The following CNGA2 variants were observed in gnomAD, a reference collection of about 807,000 sequenced individuals.
The protein encoded by CNGA2 is cyclic nucleotide-gated channel alpha-2.
Under a neutral mutation model 35.9 loss-of-function variants are expected in CNGA2, and 22 were observed. The observed-to-expected ratio is 0.61, with a 90% CI of 0.44 to 0.88. The LOEUF is 0.88. CNGA2 is among the 40% of genes least tolerant of loss of function. The pLI is 0.00. For synonymous variants in CNGA2, 217 were observed against 209.2 expected, an observed-to-expected ratio of 1.04 and a Z score of -0.32; for missense variants, 555 against 530.8, an observed-to-expected ratio of 1.05 and a Z score of -0.45.
rs1000433504 is a variant in CNGA2 at position 151,744,780 on chromosome X, G to A, written c.*282G>A. 6.2e-5 allele frequency: 19 copies of A among 304,632 alleles called. No individual in the cohort carries two copies. Among genetic ancestry groups the A allele is most frequent in the Middle Eastern group, 8.9e-4 (1 of 1,129 alleles). The allele number at this position is 304,632 out of a possible 1,213,427, so 25.1% of individuals were successfully genotyped here. A position where few individuals can be genotyped will look rare whatever the true frequency, so the allele number is the denominator to read the frequency against. On this transcript the variant is annotated 3_prime_UTR_variant, in exon 7 of 7. Coordinates refer to ENST00000329903, the MANE Select transcript of CNGA2 (RefSeq NM_005140.3). ...GGGGGCAGCTGTCTGCCAGGAGTCT[G>A]GCTCTTTTGCTCATAGCGACCCCTC...
At position 151,743,536 on chromosome X, in the gene CNGA2, G is replaced by A; in HGVS notation, c.1033G>A (p.Val345Ile). ...LTTIGETPPPVKDEEYLFVIF... is the reference protein window; with the variant it reads ...LTTIGETPPPIKDEEYLFVIF... ...TACCATTGGGGAGACACCACCCCCT[G>A]TAAAGGATGAGGAGTACCTATTTGT... is the stretch of plus-strand genomic sequence containing the variant. Residue 345 changes from valine (V) to isoleucine (I), a missense_variant, in exon 7 of 7, where the codon GTA becomes ATA. Physicochemically the swap from Val to Ile is conservative, Grantham distance 29. Coordinates refer to ENST00000329903, the MANE Select transcript of CNGA2 (RefSeq NM_005140.3). 8.3e-7 allele frequency: 1 copy of A among 1,211,150 alleles called. No individual in the cohort carries two copies. The highest frequency in any genetic ancestry group is 1.1e-6 in the Non-Finnish European group (1 of 895,358).
At position 151,742,531 on chromosome X, in the gene CNGA2, C is replaced by T. The variant is rs372908370; in HGVS notation, c.483-5C>T. On this transcript the variant is annotated splice_polypyrimidine_tract_variant and splice_region_variant and intron_variant, in intron 5 of 6. Coordinates refer to ENST00000329903, the MANE Select transcript of CNGA2 (RefSeq NM_005140.3). ...GGGGTGAAGCTTAGCCCTGTCCTCCCGCAGAGCCTGCTTCAGTGACCTACA... is the reference window on the plus strand; with the variant it reads ...GGGGTGAAGCTTAGCCCTGTCCTCCTGCAGAGCCTGCTTCAGTGACCTACA... 116 of 1,199,367 alleles carry T rather than the reference C, an allele frequency of 9.7e-5. No homozygotes were observed. In the Admixed American group the frequency reaches 1.0e-3, roughly 10 times the overall value.
chrX:151,737,582 GCCTCCTCCCTGCCCCAACCTTCA>G (rs1446927096), intron 1 of CNGA2, among the ~76,000 whole-genome samples: 1 of 111,022 alleles, frequency 9.0e-6, no homozygotes, highest in Admixed American at 9.5e-5. Flanking sequence ...CTCTTGTCCA[GCCTCCTCCCTGCCCCAACCTTCA>G]CCCTTGTTCT....
intron 1 of CNGA2, among the ~76,000 whole-genome samples, chrX:151,736,959 C>T (rs2015252676): frequency 8.9e-6 from 1 of 111,788 alleles, no homozygotes; most frequent in African/African-American, 3.2e-5. Context: ...TGGTCTGCTG[C>T]CTCCAGGGTC....
intron 1 of CNGA2, among the ~76,000 whole-genome samples, 74 bp downstream of exon 1, chrX:151,735,017 CTA>C (rs2015233089): frequency 9.0e-6 from 1 of 111,565 alleles, no homozygotes; most frequent in Non-Finnish European, 1.9e-5. Context: ...CTAATCTTGG[CTA>C]TATGATGAAC....
At chrX:151,735,441 A>G (rs376925078) in intron 1 of CNGA2, among the ~76,000 whole-genome samples, 3 of 111,621 alleles carry the variant, frequency 2.7e-5, no homozygotes, top group East Asian at 5.6e-4. Flanking sequence ...GTCTCTGAAG[A>G]TGAGATCCCC....
In CNGA2 at chrX:151,744,835, A is replaced by C; in HGVS notation, c.*337A>C. Reference sequence around the variant, plus strand: ...GGTTCTGGCCCCCGCTTTTTCTAACATGTCTTCTGAATGCTTCCTTTTTCC... The same window carrying C: ...GGTTCTGGCCCCCGCTTTTTCTAACCTGTCTTCTGAATGCTTCCTTTTTCC... On this transcript the variant is annotated 3_prime_UTR_variant, in exon 7 of 7. Transcript: ENST00000329903. The C allele has an allele frequency of 4.1e-6, 1 of 241,831 alleles. No individual in the cohort carries two copies. Among genetic ancestry groups the C allele is most frequent in the Non-Finnish European group, 7.5e-6 (1 of 133,707 alleles). The allele number at this position is 241,831 out of a possible 1,213,427, so 19.9% of individuals were successfully genotyped here.
At chrX:151,739,773 C>A (rs1486955268) in intron 4 of CNGA2, 41 bp downstream of exon 4, 1 of 1,181,341 alleles carries the variant, frequency 8.5e-7, no homozygotes, top group South Asian at 1.9e-5. Flanking sequence ...GGGCTTTAAG[C>A]ATGCAATGGA....
Position 151,744,629 on chromosome X carries a change from C to T in CNGA2, c.*131C>T, listed in dbSNP as rs904263781. 50 of 611,559 alleles carry T rather than the reference C, an allele frequency of 8.2e-5. No individual in the cohort carries two copies. The highest frequency in any genetic ancestry group is 1.1e-4 in the Non-Finnish European group (47 of 415,870). The allele number at this position is 611,559 out of a possible 1,213,427, so 50.4% of individuals were successfully genotyped here. On this transcript the variant is annotated 3_prime_UTR_variant, in exon 7 of 7. Transcript: ENST00000329903. ...TGAATTCTCCCAAAAGCCTCTCTGA[C>T]CCTGGGTTTTTGGCCTAAACATCCA...
At chrX:151,740,963 G>C in intron 5 of CNGA2, 62 bp downstream of exon 5, 1 of 874,446 alleles carries the variant, frequency 1.1e-6, no homozygotes, top group Non-Finnish European at 1.7e-6. Context: ...CCCCGGGATT[G>C]ACGGCGCAGC....
intron 2 of CNGA2, 55 bp from the exon 3 acceptor site, chrX:151,738,732 G>T: frequency 9.0e-7 from 1 of 1,105,181 alleles, no homozygotes; most frequent in Admixed American, 2.6e-5. Flanking sequence ...GACCCAGGAG[G>T]GGAGACAAGT....
At position 151,744,114 on chromosome X, in the gene CNGA2, A is replaced by G. The variant is rs780293464; in HGVS notation, c.1611A>G (p.Thr537=). Residue 537 remains threonine (T), a synonymous_variant, in exon 7 of 7, where the codon ACA becomes ACG. Transcript: ENST00000329903. The part of the protein sequence containing the change: ...IKGSKMGNRR[T]ANIRSLGYSD... ...GCAGTAAAATGGGCAATCGACGCAC[A>G]GCTAATATCCGCAGCCTGGGCTACT... The G allele has an allele frequency of 2.5e-6, 3 of 1,211,067 alleles. No homozygotes were observed. Among genetic ancestry groups the G allele is most frequent in the Non-Finnish European group, 3.4e-6 (3 of 895,382 alleles).
rs746065892 is a variant in CNGA2, at chrX:151,742,927, T to TATATATATATATATATATACACATAC, written c.590-152_590-151insATATACACATACATATATATATATAT. 4.5e-3 allele frequency among the ~76,000 whole-genome samples: 350 copies of TATATATATATATATATATACACATAC among 78,466 alleles called. 18 individuals carry two copies. The highest frequency in any genetic ancestry group is 0.019 in the African/African-American group (316 of 16,608). The allele number at this position is 78,466 out of a possible 115,157, so 68.1% of individuals were successfully genotyped here. ...AGAGATATTAGCCTATAGGGAAGGATATATATATATATATGTATATGTATA... is the reference window on the plus strand; with the variant it reads ...AGAGATATTAGCCTATAGGGAAGGATATATATATATATATATATACACATACATATATATATATATGTATATGTATA... On this transcript the variant is annotated intron_variant, in intron 6 of 6. Coordinates refer to ENST00000329903, the MANE Select transcript of CNGA2 (RefSeq NM_005140.3).
chrX:151,739,789 T>A, intron 4 of CNGA2, 57 bp downstream of exon 4: 1 of 1,143,097 alleles, frequency 8.7e-7, no homozygotes, highest in Non-Finnish European at 1.2e-6. Flanking sequence ...ATGGAAGAGC[T>A]CACTGGGGTT....
Position 151,738,489 on chromosome X carries a change from C to A in CNGA2, c.6C>A (p.Thr2=). 1 of 1,209,205 alleles carries A rather than the reference C, an allele frequency of 8.3e-7. No individual in the cohort carries two copies. Among genetic ancestry groups the A allele is most frequent in the Non-Finnish European group, 1.1e-6 (1 of 893,753 alleles). The change falls in exon 2 of 7, where the codon ACC becomes ACA. Residue 2 remains threonine, a synonymous_variant. Transcript: ENST00000329903. M[T]EKTNGVKSSP... is the part of the protein sequence containing the mutation. Reference sequence around the variant, plus strand: ...GCTCTGGTTGTACATGGAGGATGACCGAAAAAACCAATGGTGTGAAGAGCT... The same window carrying A: ...GCTCTGGTTGTACATGGAGGATGACAGAAAAAACCAATGGTGTGAAGAGCT...
At chrX:151,742,691 T>C in intron 6 of CNGA2, 49 bp downstream of exon 6, 4 of 996,245 alleles carry the variant, frequency 4.0e-6, no homozygotes, top group East Asian at 3.1e-5. Flanking sequence ...TGAGTCCAAA[T>C]TTTTAGGAAG....
chrX:151,738,501 T>A lies in CNGA2; in HGVS notation c.18T>A (p.Asn6Lys), dbSNP rs1018596411. 3 of 1,210,535 alleles carry A rather than the reference T, an allele frequency of 2.5e-6. No homozygotes were observed. The highest frequency in any genetic ancestry group is 3.4e-6 in the Non-Finnish European group (3 of 894,739). MTEKTNGVKSSPANNH... is the reference protein window; with the variant it reads MTEKTKGVKSSPANNH... ...CATGGAGGATGACCGAAAAAACCAATGGTGTGAAGAGCTCCCCAGCCAATA... is the reference window on the plus strand; with the variant it reads ...CATGGAGGATGACCGAAAAAACCAAAGGTGTGAAGAGCTCCCCAGCCAATA... The change falls in exon 2 of 7, where the codon AAT becomes AAA. Residue 6 changes from asparagine to lysine, a missense_variant. Coordinates refer to ENST00000329903, the MANE Select transcript of CNGA2 (RefSeq NM_005140.3).
Position 151,738,591 on chromosome X carries a change from C to T in CNGA2, c.108C>T (p.Ser36=), listed in dbSNP as rs1275577678. 1 of 1,199,493 alleles carries T rather than the reference C, an allele frequency of 8.3e-7. No homozygotes were observed. Among genetic ancestry groups the T allele is most frequent in the Admixed American group, 2.2e-5 (1 of 46,055 alleles). The change falls in exon 2 of 7, where the codon AGC becomes AGT. Residue 36 remains serine (S), a splice_region_variant and synonymous_variant. Coordinates refer to ENST00000329903, the MANE Select transcript of CNGA2 (RefSeq NM_005140.3). The part of the protein sequence containing the change: ...ANGKDDHRTS[S]RPHSAADDDT... ...GCAAAGATGACCACAGGACAAGCAG[C>T]AGGTGAGTCTGCATGGTATCAGGGA...
Position 151,738,806 on chromosome X carries a change from G to T in CNGA2, c.130G>T (p.Asp44Tyr), listed in dbSNP as rs940460528. The T allele has an allele frequency of 8.5e-7, 1 of 1,176,230 alleles. No individual in the cohort carries two copies. The change falls in exon 3 of 7, where the codon GAT becomes TAT. Residue 44 changes from aspartate to tyrosine, a missense_variant. Physicochemically the swap from Asp to Tyr is radical, Grantham distance 160 (BLOSUM62 -3). Transcript: ENST00000329903. The stretch of plus-strand genomic sequence containing the variant: ...CTGCAGGCCACACTCTGCAGCTGAC[G>T]ATGACACCTCCTCAGAACTGCAGAG... ...TSSRPHSAADDDTSSELQRLA... is the reference protein window; with the variant it reads ...TSSRPHSAADYDTSSELQRLA...
Sources: allele counts gnomAD v4.1 joint callset (sites outside exome capture counted in the v4.1 genomes callset), GRCh38; gene constraint gnomAD v4.1.1; transcripts MANE v1.5; gene names NCBI Gene and HGNC (gene_info 2026-07-23, HGNC 2026-07-21).